The following IQCJ variants were observed in gnomAD, a reference collection of about 807,000 sequenced individuals.
The protein encoded by IQCJ is IQ motif containing J, also known as IQ domain-containing protein J.
IQCJ carries 9 observed loss-of-function variants against 11.0 expected under a neutral mutation model. The ratio of observed to expected loss-of-function variants is 0.82; its 90% CI spans 0.49 to 1.43. The LOEUF (loss-of-function observed/expected upper bound fraction) is 1.43, where lower values mean the gene tolerates loss of function less well. Among genes scored for constraint, IQCJ ranks in the 40% most tolerant of loss-of-function variants. The probability of loss-of-function intolerance (pLI) is 0.00; values close to 1 mark genes in which losing one functional copy is unlikely to be tolerated. For missense variants in IQCJ, 146 were observed against 133.2 expected, an observed-to-expected ratio of 1.10 and a Z score of -0.47; for synonymous variants, 55 against 51.3, an observed-to-expected ratio of 1.07 and a Z score of -0.31.
chr3:159,168,824 A>G (rs890509544), intron 1 of IQCJ, among the ~76,000 whole-genome samples: 15 of 152,006 alleles, frequency 9.9e-5, no homozygotes, highest in African/African-American at 3.6e-4. Context: ...AAAAACCCAA[A>G]GAACAAAAAC....
intron 1 of IQCJ, among the ~76,000 whole-genome samples, chr3:159,150,142 G>A (rs1446787015): frequency 6.6e-6 from 1 of 152,168 alleles, no homozygotes; most frequent in African/African-American, 2.4e-5. Flanking sequence ...GGTTTCCCCA[G>A]AAACCAACCC....
chr3:159,069,566 A>G, intron 1 of IQCJ, 125 bp downstream of exon 1: 3 of 1,364,582 alleles, frequency 2.2e-6, no homozygotes, highest in South Asian at 3.0e-5. Flanking sequence ...AGCTTATAGA[A>G]CAGTGTGGGC....
intron 1 of IQCJ, among the ~76,000 whole-genome samples, chr3:159,228,499 G>T (rs545947581): frequency 1.5e-3 from 228 of 152,320 alleles, no homozygotes; most frequent in African/African-American, 5.4e-3. Flanking sequence ...ACTTTAAAAA[G>T]TGATGGCCTG....
chr3:159,121,782 G>A (rs1490281029), intron 1 of IQCJ, among the ~76,000 whole-genome samples: 3 of 152,142 alleles, frequency 2.0e-5, no homozygotes, highest in Non-Finnish European at 4.4e-5. Context: ...CGCACCTGGG[G>A]CAACTGATGT....
At chr3:159,073,557 T>G (rs1330164136) in intron 1 of IQCJ, among the ~76,000 whole-genome samples, 1 of 152,026 alleles carries the variant, frequency 6.6e-6, no homozygotes, top group African/African-American at 2.4e-5. Context: ...TCAACACACT[T>G]AGAATTGATC....
intron 3 of IQCJ, among the ~76,000 whole-genome samples, chr3:159,253,188 T>A (rs988195090): frequency 2.7e-5 from 4 of 150,790 alleles, no homozygotes; most frequent in Non-Finnish European, 5.9e-5. Flanking sequence ...CACACCCTTT[T>A]AAAAATCCTC....
intron 1 of IQCJ, among the ~76,000 whole-genome samples, chr3:159,244,852 C>T (rs1868414): frequency 0.31 from 46,751 of 151,942 alleles, 7,399 homozygotes; most frequent in African/African-American, 0.35. Flanking sequence ...TTTCTAACTG[C>T]GCCTTCCCCT....
intron 2 of IQCJ, among the ~76,000 whole-genome samples, chr3:159,251,083 G>A (rs989397235): frequency 6.6e-6 from 1 of 152,116 alleles, no homozygotes; most frequent in Non-Finnish European, 1.5e-5. Flanking sequence ...AAACAAGAGT[G>A]CTTCCTTGCC....
chr3:159,141,092 C>T (rs1450428802), intron 1 of IQCJ, among the ~76,000 whole-genome samples: 5 of 152,120 alleles, frequency 3.3e-5, no homozygotes, highest in African/African-American at 1.2e-4. Flanking sequence ...GAACAAGAGG[C>T]CAGGAACAAC....
At chr3:159,135,130 T>A (rs1344832007) in intron 1 of IQCJ, among the ~76,000 whole-genome samples, 1 of 152,226 alleles carries the variant, frequency 6.6e-6, no homozygotes, top group Non-Finnish European at 1.5e-5. Context: ...CAGCTGTGAT[T>A]ACTGTGGCCA....
At chr3:159,080,092 A>T (rs933011924) in intron 1 of IQCJ, among the ~76,000 whole-genome samples, 9 of 152,126 alleles carry the variant, frequency 5.9e-5, no homozygotes, top group African/African-American at 2.2e-4. Flanking sequence ...AATAAAGAAG[A>T]TTTCTTGCTG....
At chr3:159,177,261 G>A (rs561787594) in intron 1 of IQCJ, among the ~76,000 whole-genome samples, 3 of 152,244 alleles carry the variant, frequency 2.0e-5, no homozygotes, top group East Asian at 3.9e-4. Flanking sequence ...ATAAGAAACT[G>A]GGTGTGCCCT....
intron 1 of IQCJ, among the ~76,000 whole-genome samples, chr3:159,074,957 T>C (rs1715816545): frequency 6.6e-6 from 1 of 152,106 alleles, no homozygotes; most frequent in South Asian, 2.1e-4. Context: ...CATCTTCTCA[T>C]AGAGGAAATC....
At chr3:159,110,352 C>T (rs916618560) in intron 1 of IQCJ, among the ~76,000 whole-genome samples, 1 of 152,244 alleles carries the variant, frequency 6.6e-6, no homozygotes, top group Non-Finnish European at 1.5e-5. Context: ...TTATGATTAT[C>T]ATCAGCATCA....
intron 1 of IQCJ, among the ~76,000 whole-genome samples, chr3:159,125,611 C>A (rs560478708): frequency 3.2e-4 from 48 of 152,260 alleles, no homozygotes; most frequent in African/African-American, 1.1e-3. Flanking sequence ...GTTCTAAAAG[C>A]TGAAATTTAT....
chr3:159,105,016 C>T (rs369446820), intron 1 of IQCJ, among the ~76,000 whole-genome samples: 14 of 152,162 alleles, frequency 9.2e-5, no homozygotes, highest in South Asian at 4.2e-4. Flanking sequence ...AGTAGATATT[C>T]GATAAAAATG....
chr3:159,152,889 AAGATG>A (rs1352401415), intron 1 of IQCJ, among the ~76,000 whole-genome samples: 1 of 152,228 alleles, frequency 6.6e-6, no homozygotes, highest in Non-Finnish European at 1.5e-5. Flanking sequence ...AATCTGCAAA[AAGATG>A]AGATAAGGTA....
chr3:159,262,561 T>A lies in IQCJ; in HGVS notation c.169T>A (p.Trp57Arg). The change falls in exon 4 of 4, where the codon TGG becomes AGG. Residue 57 changes from tryptophan (W) to arginine (R), a missense_variant. Coordinates refer to ENST00000397832, the MANE Select transcript of IQCJ (RefSeq NM_001042706.3). ...ESKVKIIQRAWREYLQRQEPL... is the reference protein window; with the variant it reads ...ESKVKIIQRARREYLQRQEPL... Reference sequence around the variant, plus strand: ...TTGTTTTTTCAGCATTCAGCGAGCATGGCGAGAGTACCTGCAGCGGCAGGA... The same window carrying A: ...TTGTTTTTTCAGCATTCAGCGAGCAAGGCGAGAGTACCTGCAGCGGCAGGA... 1 of 1,613,534 alleles carries A rather than the reference T, an allele frequency of 6.2e-7. No individual in the cohort carries two copies. Among genetic ancestry groups the A allele is most frequent in the Non-Finnish European group, 8.5e-7 (1 of 1,179,636 alleles).
At position 159,134,006 on chromosome 3, in the gene IQCJ, T is replaced by C. The variant is rs1720146365; in HGVS notation, c.9+64565T>C. Among the ~76,000 whole-genome samples, 4 of 148,184 alleles carry C rather than the reference T, an allele frequency of 2.7e-5. No homozygotes were observed. The South Asian group carries it at 9.1e-4, about 34-fold the overall frequency. On this transcript the variant is annotated intron_variant, in intron 1 of 3. Coordinates refer to ENST00000397832, the MANE Select transcript of IQCJ (RefSeq NM_001042706.3). ...GAGGAAAATTCACTTCTGAGCTCAT[T>C]TGGATTTGCAGGCAGAATTATTTTT...
Sources: gnomAD v4.1 joint callset for allele counts (sites outside exome capture counted in the v4.1 genomes callset) on GRCh38, gnomAD v4.1.1 for gene constraint, MANE v1.5 for transcripts, NCBI Gene and HGNC (gene_info 2026-07-23, HGNC 2026-07-21) for gene names.